OSBPL10: variants seen among roughly 807,000 people sequenced by gnomAD.
OSBPL10 encodes oxysterol-binding protein-related protein 10.
A neutral mutation model predicts 81.7 loss-of-function variants in OSBPL10; 49 were observed. That is an observed-to-expected ratio of 0.60 (90% CI 0.48 to 0.76). The LOEUF (loss-of-function observed/expected upper bound fraction) is 0.76, where lower values mean the gene tolerates loss of function less well. Ranked by LOEUF, OSBPL10 falls within the 30% of genes least tolerant of loss-of-function variation. OSBPL10 has a pLI of 0.00. For missense variants in OSBPL10, 923 were observed against 987.8 expected, an observed-to-expected ratio of 0.93 and a Z score of 0.88; for synonymous variants, 419 against 383.6, an observed-to-expected ratio of 1.09 and a Z score of -1.08.
intron 4 of OSBPL10, among the ~76,000 whole-genome samples, chr3:31,824,416 C>T (rs776454417): frequency 6.6e-6 from 1 of 152,068 alleles, no homozygotes; most frequent in Non-Finnish European, 1.5e-5. Context: ...TCTGTTGAGT[C>T]GTGGTTAGGG....
At chr3:31,697,595 T>C (rs1377839065) in intron 7 of OSBPL10, among the ~76,000 whole-genome samples, 1 of 152,148 alleles carries the variant, frequency 6.6e-6, no homozygotes, top group Admixed American at 6.5e-5. Flanking sequence ...CAATTAATAA[T>C]AATAATTATT....
intron 1 of OSBPL10, among the ~76,000 whole-genome samples, chr3:31,921,321 G>A (rs1454016267): frequency 6.6e-6 from 1 of 152,126 alleles, no homozygotes; most frequent in Non-Finnish European, 1.5e-5. Flanking sequence ...ATCTTGGTTT[G>A]TAATACCATT....
chr3:31,768,298 T>C (rs893540411), intron 4 of OSBPL10, among the ~76,000 whole-genome samples: 1 of 152,128 alleles, frequency 6.6e-6, no homozygotes, highest in Non-Finnish European at 1.5e-5. Flanking sequence ...CAGGGGAGGT[T>C]TTTGCGACCC....
At chr3:31,732,951 A>G in intron 6 of OSBPL10, 1 of 402,872 alleles carries the variant, frequency 2.5e-6, no homozygotes. Context: ...CATCATGTCA[A>G]TAGGCACCAT....
At position 31,981,054 on chromosome 3, in the gene OSBPL10, G is replaced by C. The variant is rs977792480; in HGVS notation, c.126C>G (p.Ser42Arg). 2.0e-6 allele frequency: 3 copies of C among 1,487,054 alleles called. No individual in the cohort carries two copies. The highest frequency in any genetic ancestry group is 2.9e-5 in the East Asian group (1 of 34,220). The allele number at this position is 1,487,054 out of a possible 1,614,324, so 92.1% of individuals were successfully genotyped here. A position where few individuals can be genotyped will look rare whatever the true frequency, so the allele number is the denominator to read the frequency against. ...SCSLAGRGVS[S>R]RSAAAGLGGG... ...CGCCGAGCCCGGCCGCCGCCGACCG[G>C]CTGGAGACCCCCCGGCCCGCCAGAG... is the stretch of plus-strand genomic sequence containing the variant. Residue 42 changes from serine to arginine, a missense_variant, in exon 1 of 12, where the codon AGC becomes AGG. By Grantham distance (110) the Ser-to-Arg change is moderately radical. Transcript: ENST00000396556. The surrounding 1 kb of genome is among the most constrained non-coding windows in gnomAD (Gnocchi z 4.5).
chr3:31,915,341 G>A (rs1300577100), intron 1 of OSBPL10, among the ~76,000 whole-genome samples: 3 of 151,960 alleles, frequency 2.0e-5, no homozygotes, highest in Admixed American at 2.0e-4. Context: ...ATTCACAATA[G>A]CAAAGACATG....
rs565821673 is a variant in OSBPL10, at chr3:31,871,871, C to G, written c.537+4562G>C. Among the ~76,000 whole-genome samples the G allele has an allele frequency of 3.9e-5, 6 of 152,236 alleles. No homozygotes were observed. In the South Asian group the frequency reaches 8.3e-4, roughly 21 times the overall value. On this transcript the variant is annotated intron_variant, in intron 3 of 11. Transcript: ENST00000396556. ...ATGAGACCCTGTCTCAAAACACACA[C>G]ACACACATGCACACGCACACACATG... is the stretch of plus-strand genomic sequence containing the variant.
chr3:31,724,805 T>C (rs889909976), intron 6 of OSBPL10, among the ~76,000 whole-genome samples: 16 of 152,094 alleles, frequency 1.1e-4, no homozygotes, highest in Non-Finnish European at 1.5e-5. Context: ...ACGTTGTGAG[T>C]TGCTAAGATT....
Position 31,820,755 on chromosome 3 carries a change from C to T in OSBPL10, c.729+9285G>A, listed in dbSNP as rs573782400. ...TGCAGTTGGCCCAAGTTCCCCCTTGCTTCTGCTTTGGGACTTTAACTCCTA... is the reference window on the plus strand; with the variant it reads ...TGCAGTTGGCCCAAGTTCCCCCTTGTTTCTGCTTTGGGACTTTAACTCCTA... On this transcript the variant is annotated intron_variant, in intron 4 of 11. Coordinates refer to ENST00000396556, the MANE Select transcript of OSBPL10 (RefSeq NM_017784.5). 3.2e-4 allele frequency among the ~76,000 whole-genome samples: 49 copies of T among 152,270 alleles called. 1 individual carries two copies. The South Asian group carries it at 9.9e-3, about 31-fold the overall frequency.
chr3:31,663,401 T>A (rs1452795728), intron 11 of OSBPL10: 1 of 986,702 alleles, frequency 1.0e-6, no homozygotes, highest in Non-Finnish European at 1.2e-6. Context: ...TTAAGACGTG[T>A]GGCTCCTACA....
At chr3:31,891,616 C>T (rs1695892114) in intron 1 of OSBPL10, among the ~76,000 whole-genome samples, 1 of 152,156 alleles carries the variant, frequency 6.6e-6, no homozygotes, top group African/African-American at 2.4e-5. Flanking sequence ...GCTCATATTG[C>T]ATTGTATCAG....
intron 4 of OSBPL10, among the ~76,000 whole-genome samples, chr3:31,797,215 G>C (rs780033273): frequency 6.6e-6 from 1 of 151,918 alleles, no homozygotes; most frequent in Non-Finnish European, 1.5e-5. Flanking sequence ...GGATGGTCTC[G>C]ATCTCCTGAC....
At chr3:31,957,826 AG>A (rs1404649365) in intron 1 of OSBPL10, among the ~76,000 whole-genome samples, 1 of 152,060 alleles carries the variant, frequency 6.6e-6, no homozygotes, top group Non-Finnish European at 1.5e-5. Context: ...TTTTTAGTAG[AG>A]GGGGGGTTTC....
Position 31,661,771 on chromosome 3 carries a change from C to A in OSBPL10, c.*301G>T. ...TGATAAAAAGGAGCTTATGATTACC[C>A]ACTTTAACCTTGGTGAGTGCAGTAT... is the stretch of plus-strand genomic sequence containing the variant. On this transcript the variant is annotated 3_prime_UTR_variant, in exon 12 of 12. Transcript: ENST00000396556. The A allele has an allele frequency of 3.6e-6, 1 of 276,534 alleles. No individual in the cohort carries two copies. 17.1% of individuals were successfully genotyped at this position (276,534 alleles called of 1,614,324 possible).
At chr3:31,774,678 A>T (rs1271111457) in intron 4 of OSBPL10, among the ~76,000 whole-genome samples, 2 of 151,436 alleles carry the variant, frequency 1.3e-5, no homozygotes, top group Admixed American at 1.3e-4. Flanking sequence ...ACACCTGGCT[A>T]ATTTTTGTAT....
chr3:32,052,574 C>T (rs2125434244), intron 1 of OSBPL10, among the ~76,000 whole-genome samples: 1 of 152,134 alleles, frequency 6.6e-6, no homozygotes, highest in South Asian at 2.1e-4. Context: ...TCAAGATAGA[C>T]TAGATAAAAA....
At chr3:31,828,164 G>A (rs528518310) in intron 4 of OSBPL10, among the ~76,000 whole-genome samples, 25 of 152,232 alleles carry the variant, frequency 1.6e-4, no homozygotes, top group Admixed American at 1.6e-3. Flanking sequence ...CTGCGATGAG[G>A]TCTACATAAA....
rs374923024 is a variant in OSBPL10, at chr3:31,725,557, T to C, written c.1095+7700A>G. Among the ~76,000 whole-genome samples the C allele has an allele frequency of 1.3e-3, 204 of 152,190 alleles. 1 individual carries two copies. The highest frequency in any genetic ancestry group is 4.7e-3 in the African/African-American group (193 of 41,504). ...ATGAGAGACCCTCACACAAAATAAT[T>C]CCATGTATAACTACAACCACTTAGC... On this transcript the variant is annotated intron_variant, in intron 6 of 11. Transcript: ENST00000396556.
intron 2 of OSBPL10, among the ~76,000 whole-genome samples, chr3:32,028,139 T>A (rs960194596): frequency 6.6e-6 from 1 of 152,192 alleles, no homozygotes; most frequent in Non-Finnish European, 1.5e-5. Flanking sequence ...CTCTTGTTGC[T>A]CCTGCTAAAG....
Sources: allele counts gnomAD v4.1 joint callset (sites outside exome capture counted in the v4.1 genomes callset), GRCh38; gene constraint gnomAD v4.1.1; non-coding constraint Gnocchi (gnomAD v3.1); transcripts MANE v1.5; gene names NCBI Gene and HGNC (gene_info 2026-07-23, HGNC 2026-07-21).